The following EPHA3 variants were observed in gnomAD, a reference collection of about 807,000 sequenced individuals.
EPHA3 encodes EPH receptor A3.
Under a neutral mutation model 107.1 loss-of-function variants are expected in EPHA3, and 42 were observed. The observed-to-expected ratio is 0.39, with a 90% CI of 0.31 to 0.51. The LOEUF (loss-of-function observed/expected upper bound fraction) is 0.51. Ranked by LOEUF, EPHA3 falls within the 20% of genes least tolerant of loss-of-function variation. The pLI is 0.78. For missense variants in EPHA3, 1,183 were observed against 1,211.2 expected (o/e 0.98, Z 0.35); for synonymous variants, 461 against 424.8 (o/e 1.09, Z -1.05).
chr3:89,468,519 C>G (rs1170849866), intron 15 of EPHA3, among the ~76,000 whole-genome samples: 1 of 152,130 alleles, frequency 6.6e-6, no homozygotes, highest in Non-Finnish European at 1.5e-5. Flanking sequence ...TTCATACCCA[C>G]AAACCCATAA....
intron 3 of EPHA3, among the ~76,000 whole-genome samples, chr3:89,286,846 A>G (rs1706097001): frequency 6.6e-6 from 1 of 152,050 alleles, no homozygotes; most frequent in African/African-American, 2.4e-5. Context: ...ATCAGCAAGT[A>G]AAAGCACTTT....
Position 89,363,482 on chromosome 3 carries a change from C to T in EPHA3, c.1306+21392C>T, listed in dbSNP as rs76224158. 4.5e-3 allele frequency among the ~76,000 whole-genome samples: 683 copies of T among 150,860 alleles called. 17 individuals carry two copies. The highest frequency in any genetic ancestry group is 0.017 in the Middle Eastern group (5 of 294). ...GGTTCTCTATTTTTTCTCTTAAGGC[C>T]TTCAACGGACTGAATGAGGCCCACA... On this transcript the variant is annotated intron_variant, in intron 5 of 16. Transcript: ENST00000336596.
intron 5 of EPHA3, among the ~76,000 whole-genome samples, chr3:89,352,780 G>A (rs1219969528): frequency 1.3e-5 from 2 of 150,132 alleles, no homozygotes; most frequent in Non-Finnish European, 3.0e-5. Flanking sequence ...GCAGGTGCCT[G>A]TAATTCCAGC....
chr3:89,124,088 T>C (rs1233282170), intron 1 of EPHA3, among the ~76,000 whole-genome samples: 4 of 152,184 alleles, frequency 2.6e-5, no homozygotes, highest in Non-Finnish European at 5.9e-5. Flanking sequence ...ATCCAACTAC[T>C]AGTGCAATTA....
chr3:89,168,501 A>T (rs1018341506), intron 2 of EPHA3, among the ~76,000 whole-genome samples: 2 of 152,144 alleles, frequency 1.3e-5, no homozygotes, highest in African/African-American at 4.8e-5. Context: ...TTTATACCAA[A>T]TTTTTACATG....
chr3:89,475,427 A>C (rs556365280), intron 16 of EPHA3, among the ~76,000 whole-genome samples: 2 of 152,184 alleles, frequency 1.3e-5, no homozygotes, highest in Non-Finnish European at 1.5e-5. Flanking sequence ...AAGATCAATA[A>C]AATTTCACAT....
At chr3:89,261,320 C>T (rs1025055955) in intron 3 of EPHA3, among the ~76,000 whole-genome samples, 2 of 152,106 alleles carry the variant, frequency 1.3e-5, no homozygotes, top group African/African-American at 4.8e-5. Context: ...GAATGCTGAC[C>T]TCCTGCCTTG....
intron 5 of EPHA3, among the ~76,000 whole-genome samples, chr3:89,347,973 T>A (rs1350951273): frequency 6.6e-6 from 1 of 151,046 alleles, no homozygotes; most frequent in Non-Finnish European, 1.5e-5. Flanking sequence ...GCCCACTTGA[T>A]CATGGTGGAT....
intron 3 of EPHA3, among the ~76,000 whole-genome samples, chr3:89,287,112 A>G (rs1178606001): frequency 1.3e-5 from 2 of 152,150 alleles, no homozygotes. Flanking sequence ...TTTGGTTTTA[A>G]CAGGAAAAAC....
chr3:89,327,622 C>T (rs1438355468), intron 3 of EPHA3, among the ~76,000 whole-genome samples: 1 of 151,996 alleles, frequency 6.6e-6, no homozygotes, highest in Non-Finnish European at 1.5e-5. Flanking sequence ...TTTAATTGTG[C>T]CAAATGTATA....
At chr3:89,444,221 T>C (rs1412897909) in intron 13 of EPHA3, among the ~76,000 whole-genome samples, 2 of 152,192 alleles carry the variant, frequency 1.3e-5, no homozygotes, top group Non-Finnish European at 1.5e-5. Context: ...TTTGTTGCAA[T>C]TGATATGACA....
intron 2 of EPHA3, among the ~76,000 whole-genome samples, chr3:89,184,219 C>G (rs888894852): frequency 2.0e-5 from 3 of 151,874 alleles, no homozygotes; most frequent in African/African-American, 7.3e-5. Context: ...AATATTTTCC[C>G]TTGGCTTCAT....
chr3:89,460,892 T>G (rs1710221752), intron 15 of EPHA3, among the ~76,000 whole-genome samples: 1 of 130,338 alleles, frequency 7.7e-6, no homozygotes, highest in South Asian at 2.3e-4. Context: ...TAGTTACATA[T>G]GTATACATGT....
intron 3 of EPHA3, among the ~76,000 whole-genome samples, chr3:89,302,020 T>A (rs1350086833): frequency 6.6e-6 from 1 of 152,164 alleles, no homozygotes; most frequent in Admixed American, 6.6e-5. Flanking sequence ...TATAAATTCT[T>A]CATACCACGG....
chr3:89,467,060 T>G (rs961422014), intron 15 of EPHA3, among the ~76,000 whole-genome samples: 16 of 152,182 alleles, frequency 1.1e-4, no homozygotes, highest in Admixed American at 3.9e-4. Context: ...CAAAATTATT[T>G]TTAGTTACTG....
chr3:89,396,551 T>A (rs1231470880), intron 6 of EPHA3, among the ~76,000 whole-genome samples: 3 of 152,164 alleles, frequency 2.0e-5, no homozygotes, highest in Non-Finnish European at 4.4e-5. Context: ...ACCCCAAATT[T>A]AAAAATTATT....
At chr3:89,439,339 T>A (rs935120317) in intron 13 of EPHA3, among the ~76,000 whole-genome samples, 5 of 152,128 alleles carry the variant, frequency 3.3e-5, no homozygotes, top group Admixed American at 2.0e-4. Context: ...ATGCCTTTAG[T>A]CCCAGCTACT....
At chr3:89,165,375 A>C (rs1261705728) in intron 2 of EPHA3, among the ~76,000 whole-genome samples, 1 of 152,252 alleles carries the variant, frequency 6.6e-6, no homozygotes, top group Non-Finnish European at 1.5e-5. Flanking sequence ...CATTCTTGAA[A>C]GAAATTATAC....
chr3:89,344,917 T>C (rs1187528953), intron 5 of EPHA3, among the ~76,000 whole-genome samples: 1 of 142,598 alleles, frequency 7.0e-6, no homozygotes, highest in East Asian at 2.0e-4. Flanking sequence ...GTCAGTGAGA[T>C]AAGAAAGTAG....
Sources: gnomAD v4.1 joint callset for allele counts (sites outside exome capture counted in the v4.1 genomes callset) on GRCh38, gnomAD v4.1.1 for gene constraint, MANE v1.5 for transcripts, NCBI Gene and HGNC (gene_info 2026-07-23, HGNC 2026-07-21) for gene names.